The following GGPS1 variants were observed in gnomAD, a reference collection of about 807,000 sequenced individuals.
The protein encoded by GGPS1 is geranylgeranyl diphosphate synthase 1.
In GGPS1, 15 loss-of-function variants were observed where a neutral mutation model predicts 28.1. That is an observed-to-expected ratio of 0.53 (90% CI 0.36 to 0.82). GGPS1 has a LOEUF of 0.82. Among genes scored for constraint, GGPS1 ranks in the 40% least tolerant of loss-of-function variants. GGPS1 has a pLI of 0.01. For synonymous variants in GGPS1, 138 were observed against 122.4 expected (o/e 1.13, Z -0.84); for missense variants, 284 against 348.3 (o/e 0.82, Z 1.47).
At chr1:235,341,003 T>A (rs780415748) in intron 2 of GGPS1, among the ~76,000 whole-genome samples, 1 of 152,146 alleles carries the variant, frequency 6.6e-6, no homozygotes, top group Non-Finnish European at 1.5e-5. Context: ...CCTATAGTTA[T>A]GTAAAATAGG....
rs757966407 is a variant in GGPS1 at position 235,341,688 on chromosome 1, A to AT, written c.71-16dup. 314 of 1,364,162 alleles carry AT rather than the reference A, an allele frequency of 2.3e-4. 1 individual carries two copies. In the African/African-American group the frequency reaches 4.0e-3, roughly 18 times the overall value. 84.5% of individuals were successfully genotyped at this position (1,364,162 alleles called of 1,614,324 possible). ...ATTAAAACACTTATCACATTGTCAC[A>AT]TTTTATTTTTAAATTGCAGGTAAAC... On this transcript the variant is annotated intron_variant, in intron 2 of 3. Coordinates refer to ENST00000282841, the MANE Select transcript of GGPS1 (RefSeq NM_004837.4).
chr1:235,342,604 A>T lies in GGPS1; in HGVS notation c.735A>T (p.Lys245Asn). Residue 245 changes from lysine (K) to asparagine (N), a missense_variant, in exon 4 of 4, where the codon AAA becomes AAT. Coordinates refer to ENST00000282841, the MANE Select transcript of GGPS1 (RefSeq NM_004837.4). ...RQRTENIDIKKYCVHYLEDVG... is the reference protein window; with the variant it reads ...RQRTENIDIKNYCVHYLEDVG... ...GAACAGAAAACATAGATATAAAAAA[A>T]TACTGTGTACATTATCTTGAGGATG... 1 of 1,611,906 alleles carries T rather than the reference A, an allele frequency of 6.2e-7. No individual in the cohort carries two copies. Among genetic ancestry groups the T allele is most frequent in the East Asian group, 2.2e-5 (1 of 44,872 alleles).
chr1:235,342,405 C>A lies in GGPS1; in HGVS notation c.536C>A (p.Thr179Lys). Residue 179 changes from threonine (T) to lysine (K), a missense_variant, in exon 4 of 4, where the codon ACA (threonine) becomes AAA (lysine). Thr to Lys is a moderately conservative substitution (Grantham distance 78). Transcript: ENST00000282841. ...YKEDLKPLLN[T>K]LGLFFQIRDD... ...GAAGATTTAAAACCGCTACTTAATA[C>A]ACTTGGGCTCTTTTTCCAAATTAGG... is the stretch of plus-strand genomic sequence containing the variant. The A allele has an allele frequency of 6.2e-7, 1 of 1,613,892 alleles. No homozygotes were observed. Among genetic ancestry groups the A allele is most frequent in the Non-Finnish European group, 8.5e-7 (1 of 1,179,784 alleles).
At chr1:235,332,943 C>T (rs1675759409) in intron 1 of GGPS1, among the ~76,000 whole-genome samples, 1 of 151,836 alleles carries the variant, frequency 6.6e-6, no homozygotes, top group Admixed American at 6.6e-5. Flanking sequence ...TGGTGGGCAC[C>T]TGTAGTCCCA....
At chr1:235,331,157 G>A (rs1012943708) in intron 1 of GGPS1, among the ~76,000 whole-genome samples, 5 of 152,134 alleles carry the variant, frequency 3.3e-5, no homozygotes, top group Non-Finnish European at 5.9e-5. Context: ...TTCTTTATGA[G>A]CCTTTTTTTC....
At chr1:235,337,848 A>T (rs1356046936) in intron 2 of GGPS1, among the ~76,000 whole-genome samples, 1 of 151,844 alleles carries the variant, frequency 6.6e-6, no homozygotes, top group African/African-American at 2.4e-5. Flanking sequence ...GAAATTAGTA[A>T]AGAAAATTAT....
intron 2 of GGPS1, among the ~76,000 whole-genome samples, chr1:235,336,496 T>G (rs1329917427): frequency 6.6e-6 from 1 of 152,174 alleles, no homozygotes; most frequent in Non-Finnish European, 1.5e-5. Context: ...ATATTCTTTC[T>G]CATAGACATA....
rs1486358839 is a variant in GGPS1 at position 235,344,377 on chromosome 1, AT to A, written c.*1609del. On this transcript the variant is annotated 3_prime_UTR_variant, in exon 4 of 4. Coordinates refer to ENST00000282841, the MANE Select transcript of GGPS1 (RefSeq NM_004837.4). Reference sequence around the variant, plus strand: ...ACTTTTAAAATAGTTTAAATCTCCCATTTTAATAGTGATAAGGAAACCTGTT... The same window carrying A: ...ACTTTTAAAATAGTTTAAATCTCCCATTTAATAGTGATAAGGAAACCTGTT... 2 of 167,008 alleles carry A rather than the reference AT, an allele frequency of 1.2e-5. No individual in the cohort carries two copies. The highest frequency in any genetic ancestry group is 2.9e-5 in the Non-Finnish European group (2 of 68,104). The allele number at this position is 167,008 out of a possible 1,614,324, so 10.3% of individuals were successfully genotyped here. A position where few individuals can be genotyped will look rare whatever the true frequency, so the allele number is the denominator to read the frequency against.
At chr1:235,329,219 C>G (rs752048532) in intron 1 of GGPS1, 1 of 152,250 alleles carries the variant, frequency 6.6e-6, no homozygotes, top group Non-Finnish European at 1.5e-5. Context: ...AGGCCCTTCC[C>G]TTTGAAAAGT....
At chr1:235,341,600 T>A in intron 2 of GGPS1, 108 bp from the exon 3 acceptor site, 3 of 738,704 alleles carry the variant, frequency 4.1e-6, no homozygotes, top group Non-Finnish European at 7.4e-6. Context: ...AGGCTGGATT[T>A]AGCAAGTCTG....
chr1:235,338,921 C>T (rs779286735), intron 2 of GGPS1, among the ~76,000 whole-genome samples: 2 of 151,426 alleles, frequency 1.3e-5, no homozygotes, highest in Admixed American at 6.6e-5. Flanking sequence ...CCCAGCACTT[C>T]GAGAGGCCAA....
intron 2 of GGPS1, among the ~76,000 whole-genome samples, chr1:235,340,502 C>T (rs1420218356): frequency 6.6e-6 from 1 of 150,458 alleles, no homozygotes; most frequent in African/African-American, 2.4e-5. Flanking sequence ...TTTGGGAGGC[C>T]GAGGCGGGCG....
chr1:235,332,476 A>G (rs1358022998), intron 1 of GGPS1, among the ~76,000 whole-genome samples: 1 of 152,200 alleles, frequency 6.6e-6, no homozygotes, highest in African/African-American at 2.4e-5. Flanking sequence ...GCTGATGGAC[A>G]CTTAGGTTGA....
chr1:235,329,972 A>G (rs1478998763), intron 1 of GGPS1: 1 of 152,368 alleles, frequency 6.6e-6, no homozygotes, highest in East Asian at 1.9e-4. Context: ...GAGAAGTTTC[A>G]GACTCTCACT....
In GGPS1 at chr1:235,341,737, G is replaced by T. The variant is rs1676050666; in HGVS notation, c.100G>T (p.Ala34Ser). The part of the protein sequence containing the change: ...GKQVRTKLSQ[A>S]FNHWLKVPED... ...ACAAGTGAGAACCAAACTTTCACAG[G>T]CATTTAATCATTGGCTGAAAGTTCC... Residue 34 changes from alanine (A) to serine (S), a missense_variant, in exon 3 of 4, where the codon GCA (alanine) becomes TCA (serine). Transcript: ENST00000282841. 1 of 1,601,142 alleles carries T rather than the reference G, an allele frequency of 6.2e-7. No homozygotes were observed. Among genetic ancestry groups the T allele is most frequent in the Non-Finnish European group, 8.6e-7 (1 of 1,168,250 alleles).
At chr1:235,338,466 G>A (rs1427308935) in intron 2 of GGPS1, among the ~76,000 whole-genome samples, 1 of 151,954 alleles carries the variant, frequency 6.6e-6, no homozygotes, top group African/African-American at 2.4e-5. Context: ...TAAAACTGTA[G>A]TACCTCAAAA....
intron 1 of GGPS1, chr1:235,330,417 G>T (rs1334254724): frequency 1.3e-5 from 2 of 152,110 alleles, no homozygotes; most frequent in African/African-American, 2.4e-5. Flanking sequence ...CCCGGGAGGC[G>T]GAGTTTGCAG....
chr1:235,332,970 A>T (rs942579380), intron 1 of GGPS1, among the ~76,000 whole-genome samples: 5 of 147,046 alleles, frequency 3.4e-5, no homozygotes, highest in African/African-American at 5.0e-5. Flanking sequence ...CAGAAGGCTG[A>T]GTCAGGAGAA....
At chr1:235,333,067 CAAAAAAAAAAAAAAA>C (rs5781828) in intron 1 of GGPS1, among the ~76,000 whole-genome samples, 1 of 43,318 alleles carries the variant, frequency 2.3e-5, no homozygotes, top group African/African-American at 1.2e-4. Flanking sequence ...GACTCCGTCT[CAAAAAAAAAAAAAAA>C]AAAAAAAAAG....
Sources: gnomAD v4.1 joint callset for allele counts (sites outside exome capture counted in the v4.1 genomes callset) on GRCh38, gnomAD v4.1.1 for gene constraint, MANE v1.5 for transcripts, NCBI Gene and HGNC (gene_info 2026-07-23, HGNC 2026-07-21) for gene names.